The following FAAH2 variants were observed in gnomAD, a reference collection of about 807,000 sequenced individuals.
FAAH2 encodes fatty acid amide hydrolase 2.
A neutral mutation model predicts 36.9 loss-of-function variants in FAAH2; 60 were observed. The observed-to-expected ratio is 1.63, with a 90% confidence interval of 1.32 to 2.02. The LOEUF (loss-of-function observed/expected upper bound fraction) is 2.02, where lower values mean the gene tolerates loss of function less well. Ranked by LOEUF, FAAH2 falls within the 30% of genes most tolerant of loss-of-function variation. The pLI, the probability that FAAH2 is intolerant of heterozygous loss-of-function variation, is 0.00. For missense variants in FAAH2, 689 were observed against 397.5 expected, an observed-to-expected ratio of 1.73 and a Z score of -6.23; for synonymous variants, 214 against 143.8, an observed-to-expected ratio of 1.49 and a Z score of -3.49.
At chrX:57,346,088 T>A (rs926275840) in intron 5 of FAAH2, among the ~76,000 whole-genome samples, 1 of 111,173 alleles carries the variant, frequency 9.0e-6, no homozygotes, top group Non-Finnish European at 1.9e-5. Flanking sequence ...ATGAGAGAAA[T>A]ATATATTCCA....
At chrX:57,171,790 GT>G in the FAAH2 span, among the ~76,000 whole-genome samples, 2 of 111,507 alleles carry the variant, frequency 1.8e-5, no homozygotes, top group African/African-American at 6.5e-5. Flanking sequence ...TTTATTTTTG[GT>G]TTTGTTGCAT....
At chrX:57,206,500 A>G in the FAAH2 span, among the ~76,000 whole-genome samples, 1 of 112,100 alleles carries the variant, frequency 8.9e-6, no homozygotes, top group Non-Finnish European at 1.9e-5. Context: ...TCATCCATAT[A>G]ATGAATAATG....
At chrX:57,442,441 T>G (rs1317643769) in intron 8 of FAAH2, among the ~76,000 whole-genome samples, 1 of 111,552 alleles carries the variant, frequency 9.0e-6, no homozygotes, top group Non-Finnish European at 1.9e-5. Context: ...CCTCTGCTTT[T>G]TTTTGTTTTC....
the FAAH2 span, among the ~76,000 whole-genome samples, chrX:57,276,112 G>T: frequency 2.7e-5 from 3 of 111,819 alleles, no homozygotes; most frequent in African/African-American, 9.8e-5. Flanking sequence ...CAAATCAACA[G>T]AATATACATT....
chrX:57,390,744 A>G (rs889383893), intron 7 of FAAH2, among the ~76,000 whole-genome samples: 1 of 111,827 alleles, frequency 8.9e-6, no homozygotes, highest in Non-Finnish European at 1.9e-5. Flanking sequence ...ACTTAGGTTT[A>G]TTCCATGACT....
intron 4 of FAAH2, among the ~76,000 whole-genome samples, chrX:57,333,875 G>A (rs2053473407): frequency 9.0e-6 from 1 of 111,634 alleles, no homozygotes; most frequent in Non-Finnish European, 1.9e-5. Context: ...ACTACACCTA[G>A]CATAATATTT....
At chrX:57,140,123 AG>A in the FAAH2 span, among the ~76,000 whole-genome samples, 3 of 111,336 alleles carry the variant, frequency 2.7e-5, no homozygotes, top group African/African-American at 6.5e-5. Flanking sequence ...TCATTGTAAA[AG>A]GGATTGCTTT....
intron 7 of FAAH2, among the ~76,000 whole-genome samples, chrX:57,381,807 G>C (rs1276872418): frequency 7.2e-5 from 8 of 111,128 alleles, no homozygotes; most frequent in Non-Finnish European, 1.5e-4. Context: ...ATTGAATTCA[G>C]CTCTGCACCA....
the FAAH2 span, among the ~76,000 whole-genome samples, chrX:57,157,352 C>T: frequency 1.8e-5 from 2 of 111,874 alleles, no homozygotes; most frequent in Admixed American, 1.9e-4. Flanking sequence ...AGGCCCTGAG[C>T]TACTTTAGTC....
intron 7 of FAAH2, among the ~76,000 whole-genome samples, chrX:57,409,686 A>T (rs2055652297): frequency 9.0e-6 from 1 of 110,977 alleles, no homozygotes; most frequent in African/African-American, 3.3e-5. Flanking sequence ...CAATCTGTTG[A>T]CATATAATTG....
the FAAH2 span, among the ~76,000 whole-genome samples, chrX:57,237,841 A>T: frequency 5.4e-5 from 6 of 111,741 alleles, no homozygotes; most frequent in Non-Finnish European, 1.1e-4. Flanking sequence ...TGGGCAAATG[A>T]CATGAACAGA....
intron 7 of FAAH2, among the ~76,000 whole-genome samples, chrX:57,409,843 TA>T (rs751583661): frequency 2.7e-5 from 3 of 110,887 alleles, no homozygotes; most frequent in Non-Finnish European, 5.7e-5. Context: ...TTCAGTTTTT[TA>T]AAAAAAATCT....
At chrX:57,357,847 A>G (rs1218674891) in intron 5 of FAAH2, among the ~76,000 whole-genome samples, 1 of 111,680 alleles carries the variant, frequency 9.0e-6, no homozygotes, top group Non-Finnish European at 1.9e-5. Context: ...ATACACCCAA[A>G]GGATTATAAA....
the FAAH2 span, among the ~76,000 whole-genome samples, chrX:57,141,766 A>G: frequency 9.0e-6 from 1 of 110,840 alleles, no homozygotes; most frequent in African/African-American, 3.3e-5. Context: ...TGTTATTATA[A>G]TGTCTCATTT....
chrX:57,321,590 A>G (rs2053028235), intron 3 of FAAH2, among the ~76,000 whole-genome samples: 1 of 109,886 alleles, frequency 9.1e-6, no homozygotes, highest in South Asian at 3.9e-4. Flanking sequence ...TCTGGTTTCC[A>G]TTTGCTTGGT....
chrX:57,335,932 C>G (rs1602317958), intron 4 of FAAH2, among the ~76,000 whole-genome samples: 1 of 111,731 alleles, frequency 9.0e-6, no homozygotes, highest in Non-Finnish European at 1.9e-5. Context: ...TCCTGCACAG[C>G]CCTTAATCCA....
chrX:57,276,188 G>A, the FAAH2 span, among the ~76,000 whole-genome samples: 1 of 112,070 alleles, frequency 8.9e-6, no homozygotes, highest in South Asian at 3.7e-4. Flanking sequence ...GCACTCCTTA[G>A]CAAATGTAAA....
intron 5 of FAAH2, among the ~76,000 whole-genome samples, chrX:57,364,004 G>A (rs1406116315): frequency 1.2e-5 from 1 of 83,756 alleles, no homozygotes; most frequent in Non-Finnish European, 2.2e-5. Flanking sequence ...ATGTCGGCCT[G>A]TAGGGTTTTT....
At chrX:57,201,074 G>A in the FAAH2 span, among the ~76,000 whole-genome samples, 4 of 92,110 alleles carry the variant, frequency 4.3e-5, no homozygotes, top group Non-Finnish European at 8.3e-5. Context: ...TTTTTCTTCA[G>A]CAATTTAAAC....
Sources: allele counts gnomAD v4.1 joint callset (sites outside exome capture counted in the v4.1 genomes callset), GRCh38; gene constraint gnomAD v4.1.1; transcripts MANE v1.5; gene names NCBI Gene and HGNC (gene_info 2026-07-23, HGNC 2026-07-21).